The following FRMD4B variants were observed in gnomAD, a reference collection of about 807,000 sequenced individuals.
The protein encoded by FRMD4B is FERM domain containing 4B, also known as FERM domain-containing protein 4B.
Under a neutral mutation model 141.5 loss-of-function variants are expected in FRMD4B, and 74 were observed. That is an observed-to-expected ratio of 0.52 (90% CI 0.43 to 0.63). The LOEUF is 0.63. Ranked by LOEUF, FRMD4B falls within the 30% of genes least tolerant of loss-of-function variation. The probability of loss-of-function intolerance (pLI) is 0.00; values close to 1 mark genes in which losing one functional copy is unlikely to be tolerated. For missense variants in FRMD4B, 1,366 were observed against 1,253.4 expected (o/e 1.09, Z -1.36); for synonymous variants, 506 against 467.9 (o/e 1.08, Z -1.05).
At chr3:69,329,894 G>T (rs543852561) in intron 1 of FRMD4B, among the ~76,000 whole-genome samples, 1 of 152,072 alleles carries the variant, frequency 6.6e-6, no homozygotes, top group South Asian at 2.1e-4. Context: ...GTTTACCTGT[G>T]TAACAAACCT....
intron 5 of FRMD4B, among the ~76,000 whole-genome samples, chr3:69,267,628 TATATATATAGAGAG>T (rs2093572202): frequency 5.0e-4 from 6 of 11,946 alleles, no homozygotes; most frequent in African/African-American, 1.8e-3. Flanking sequence ...TATATATATA[TATATATATAGAGAG>T]AGAGAGAGAG....
chr3:69,177,417 A>G (rs938777491), intron 21 of FRMD4B, among the ~76,000 whole-genome samples: 1 of 152,158 alleles, frequency 6.6e-6, no homozygotes, highest in East Asian at 1.9e-4. Context: ...TGGGAAGTCA[A>G]GGTGGGAGTA....
chr3:69,180,143 C>T (rs550675147), intron 21 of FRMD4B, among the ~76,000 whole-genome samples: 1 of 151,596 alleles, frequency 6.6e-6, no homozygotes, highest in South Asian at 2.1e-4. Context: ...CACATGTAAT[C>T]CCAACACTTT....
intron 1 of FRMD4B, among the ~76,000 whole-genome samples, chr3:69,368,314 C>T (rs1480793073): frequency 6.6e-6 from 1 of 152,208 alleles, no homozygotes; most frequent in African/African-American, 2.4e-5. Flanking sequence ...ATATCCTTAG[C>T]TCCCACAGGA....
chr3:69,420,757 T>A (rs1704961340), intron 2 of FRMD4B, among the ~76,000 whole-genome samples: 1 of 152,118 alleles, frequency 6.6e-6, no homozygotes, highest in Non-Finnish European at 1.5e-5. Context: ...GTAGTCTACT[T>A]TTACTCTGGC....
Position 69,180,941 on chromosome 3 carries a change from C to T in FRMD4B, c.2809G>A (p.Val937Ile). 2 of 1,612,560 alleles carry T rather than the reference C, an allele frequency of 1.2e-6. No individual in the cohort carries two copies. Among genetic ancestry groups the T allele is most frequent in the Non-Finnish European group, 1.7e-6 (2 of 1,178,740 alleles). ...GCACGACTGCTTGGAGAACAAGGTA[C>T]TTGCAGCCCCGCAAACCCCAGGCAT... ...QRCLGFAGLQVPCSPSSRASS... is the reference protein window; with the variant it reads ...QRCLGFAGLQIPCSPSSRASS... Residue 937 changes from valine (V) to isoleucine (I), a missense_variant, in exon 21 of 23, where the codon GTA becomes ATA. Val to Ile is a conservative substitution (Grantham distance 29). Transcript: ENST00000398540.
chr3:69,268,057 A>G lies in FRMD4B; in HGVS notation c.502-17958T>C, dbSNP rs562699838. Among the ~76,000 whole-genome samples, 6 of 151,978 alleles carry G rather than the reference A, an allele frequency of 3.9e-5. No individual in the cohort carries two copies. The South Asian group carries it at 1.2e-3, about 32-fold the overall frequency. On this transcript the variant is annotated intron_variant, in intron 5 of 22. Transcript: ENST00000398540. ...ACTATGAACTTTCCTCCCAATTCTT[A>G]TTTTTACTTCTCTCCTATTCTGAAG...
chr3:69,218,889 G>T (rs765654853), intron 9 of FRMD4B, among the ~76,000 whole-genome samples: 3 of 152,108 alleles, frequency 2.0e-5, no homozygotes, highest in African/African-American at 7.2e-5. Context: ...CAGGCTGGGC[G>T]CGGTGGCTCA....
At chr3:69,293,992 G>A (rs921009569) in intron 4 of FRMD4B, among the ~76,000 whole-genome samples, 2 of 150,844 alleles carry the variant, frequency 1.3e-5, no homozygotes, top group African/African-American at 4.9e-5. Context: ...AGAAAATAGT[G>A]TGAAACCAAT....
chr3:69,260,939 G>T (rs1446090495), intron 5 of FRMD4B, among the ~76,000 whole-genome samples: 1 of 152,222 alleles, frequency 6.6e-6, no homozygotes, highest in South Asian at 2.1e-4. Flanking sequence ...GCACTAATCA[G>T]TACCCTGTCA....
At chr3:69,451,679 G>C (rs1174736535) in intron 1 of FRMD4B, among the ~76,000 whole-genome samples, 1 of 152,146 alleles carries the variant, frequency 6.6e-6, no homozygotes, top group Non-Finnish European at 1.5e-5. Context: ...TTCTTCTCTG[G>C]TGGGTAAGAT....
intron 21 of FRMD4B, among the ~76,000 whole-genome samples, chr3:69,177,347 T>A (rs1188941646): frequency 2.0e-5 from 3 of 151,740 alleles, no homozygotes. Context: ...TCAAAATAAA[T>A]AAATAAATAA....
At chr3:69,423,721 G>A (rs1215778645) in intron 2 of FRMD4B, among the ~76,000 whole-genome samples, 1 of 152,128 alleles carries the variant, frequency 6.6e-6, no homozygotes, top group Admixed American at 6.5e-5. Context: ...AGGCCCCAGA[G>A]AGCTGCCTTA....
chr3:69,344,461 T>A (rs1207041084), intron 1 of FRMD4B, among the ~76,000 whole-genome samples: 1 of 152,212 alleles, frequency 6.6e-6, no homozygotes, highest in Non-Finnish European at 1.5e-5. Flanking sequence ...CTACAAATAA[T>A]TAAGAGTTAC....
intron 5 of FRMD4B, among the ~76,000 whole-genome samples, chr3:69,270,569 CT>C (rs57693333): frequency 1.2e-3 from 167 of 144,818 alleles, no homozygotes; most frequent in African/African-American, 4.1e-3. Context: ...TTCTTTTTTT[CT>C]TTTTTTTTTT....
chr3:69,356,766 A>G (rs554667605), intron 1 of FRMD4B, among the ~76,000 whole-genome samples: 1 of 151,840 alleles, frequency 6.6e-6, no homozygotes, highest in Admixed American at 6.6e-5. Context: ...TGGAGTTACA[A>G]AGTTGCTTGG....
chr3:69,385,858 C>A lies in FRMD4B; in HGVS notation c.132G>T (p.Arg44=). ...ACACGTCCTGCAGCCCGCACCACGT[C>A]CGCAGCACCTGGTGGCAAGCCCGCA... ...ERLRACHQVL[R]TWCGLQDVYQ... is the part of the protein sequence containing the mutation. The change falls in exon 1 of 23, where the codon CGG becomes CGT. Residue 44 remains arginine, a synonymous_variant. Coordinates refer to ENST00000398540, the MANE Select transcript of FRMD4B (RefSeq NM_015123.3). The A allele has an allele frequency of 6.3e-7, 1 of 1,597,568 alleles. No homozygotes were observed. The highest frequency in any genetic ancestry group is 8.5e-7 in the Non-Finnish European group (1 of 1,172,728).
At chr3:69,428,066 G>A (rs965582940) in intron 2 of FRMD4B, among the ~76,000 whole-genome samples, 1 of 152,008 alleles carries the variant, frequency 6.6e-6, no homozygotes, top group African/African-American at 2.4e-5. Flanking sequence ...CTGTATCAGT[G>A]CACTCAAGCT....
At chr3:69,488,080 A>G (rs1706246519) in intron 1 of FRMD4B, among the ~76,000 whole-genome samples, 1 of 152,094 alleles carries the variant, frequency 6.6e-6, no homozygotes, top group Admixed American at 6.5e-5. Flanking sequence ...AAGAAAAGAA[A>G]GAAAGAGAAA....
Sources: gnomAD v4.1 joint callset for allele counts (sites outside exome capture counted in the v4.1 genomes callset) on GRCh38, gnomAD v4.1.1 for gene constraint, MANE v1.5 for transcripts, NCBI Gene and HGNC (gene_info 2026-07-23, HGNC 2026-07-21) for gene names.